The following ABCC6 variants were observed in gnomAD, a reference collection of about 807,000 sequenced individuals.
The protein encoded by ABCC6 is ATP binding cassette subfamily C member 6, also known as ATP-binding cassette sub-family C member 6.
ABCC6 carries 126 observed loss-of-function variants against 169.5 expected under a neutral mutation model. That is an observed-to-expected ratio of 0.74 (90% confidence interval 0.64 to 0.86). The LOEUF (loss-of-function observed/expected upper bound fraction) is 0.86. Ranked by LOEUF, ABCC6 falls within the 40% of genes least tolerant of loss-of-function variation. The probability of loss-of-function intolerance (pLI) is 0.00; values close to 1 mark genes in which losing one functional copy is unlikely to be tolerated. For missense variants in ABCC6, 1,733 were observed against 1,927.2 expected (o/e 0.90, Z 1.89); for synonymous variants, 752 against 814.7 (o/e 0.92, Z 1.31).
At chr16:16,153,985 C>T (rs1046039427) in intron 29 of ABCC6, among the ~76,000 whole-genome samples, 1 of 151,596 alleles carries the variant, frequency 6.6e-6, no homozygotes, top group Non-Finnish European at 1.5e-5. Flanking sequence ...GTTGTTGAGA[C>T]GAAGCCCAGG....
At chr16:16,170,688 C>T (rs534322457) in intron 21 of ABCC6, among the ~76,000 whole-genome samples, 4 of 152,006 alleles carry the variant, frequency 2.6e-5, no homozygotes, top group East Asian at 1.9e-4. Flanking sequence ...GAGGCCAAGG[C>T]GGGTGTGTCA....
intron 22 of ABCC6, among the ~76,000 whole-genome samples, chr16:16,168,454 C>G (rs1456486324): frequency 2.0e-5 from 3 of 152,164 alleles, no homozygotes; most frequent in Non-Finnish European, 4.4e-5. Flanking sequence ...CCACTGCATT[C>G]CAGCCTGGGT....
chr16:16,211,822 C>A (rs1360333831), intron 6 of ABCC6, among the ~76,000 whole-genome samples: 2 of 152,068 alleles, frequency 1.3e-5, no homozygotes, highest in Non-Finnish European at 2.9e-5. Context: ...TGACTGAAAT[C>A]AAGTATTGGA....
At chr16:16,204,015 C>A (rs2048321973) in intron 7 of ABCC6, among the ~76,000 whole-genome samples, 1 of 152,056 alleles carries the variant, frequency 6.6e-6, no homozygotes, top group Non-Finnish European at 1.5e-5. Flanking sequence ...GAATTTGATT[C>A]CAGCTCTCTG....
intron 9 of ABCC6, among the ~76,000 whole-genome samples, chr16:16,201,059 C>T (rs367713545): frequency 2.0e-5 from 3 of 152,164 alleles, no homozygotes; most frequent in Non-Finnish European, 2.9e-5. Flanking sequence ...CTCCACCTCC[C>T]GGGTTCAAGC....
chr16:16,184,855 C>A, intron 15 of ABCC6, 104 bp downstream of exon 15: 2 of 1,299,344 alleles, frequency 1.5e-6, no homozygotes, highest in Non-Finnish European at 1.1e-6. Flanking sequence ...CCCTCCAGTC[C>A]CAGGCTGGAA....
Position 16,188,984 on chromosome 16 carries a change from G to T in ABCC6, c.1636-10C>A, listed in dbSNP as rs61480102. 5.0e-6 allele frequency: 8 copies of T among 1,612,498 alleles called. No homozygotes were observed. The highest frequency in any genetic ancestry group is 5.9e-6 in the Non-Finnish European group (7 of 1,179,296). On this transcript the variant is annotated splice_polypyrimidine_tract_variant and intron_variant, in intron 12 of 30. Coordinates refer to ENST00000205557, the MANE Select transcript of ABCC6 (RefSeq NM_001171.6). ...ACACCACCAGTGCGACCTGGGGGGT[G>T]GGGGGGACACGTGGGGCAACAGTGA...
intron 22 of ABCC6, among the ~76,000 whole-genome samples, chr16:16,167,972 C>CTAA (rs1006615288): frequency 2.6e-5 from 4 of 152,200 alleles, no homozygotes; most frequent in Non-Finnish European, 5.9e-5. Context: ...CTGAGAATCC[C>CTAA]TAATTTCCTC....
At chr16:16,153,310 C>T (rs746024278) in intron 29 of ABCC6, among the ~76,000 whole-genome samples, 7 of 152,250 alleles carry the variant, frequency 4.6e-5, no homozygotes, top group African/African-American at 7.2e-5. Flanking sequence ...GGCAGATAAA[C>T]GGATAAGCAA....
chr16:16,173,364 C>T lies in ABCC6; in HGVS notation c.2707G>A (p.Glu903Lys). The change falls in exon 21 of 31, where the codon GAA becomes AAA. Residue 903 changes from glutamate (E) to lysine (K), a missense_variant. By Grantham distance (56) the Glu-to-Lys change is moderately conservative. Transcript: ENST00000205557. ...TCCAGAGGAACCTCTGTCTGGGCTT[C>T]TGAAGTGGTACGGTCCTTCTCAGGG... ...SVPEKDRTTS[E>K]AQTEVPLDDP... The T allele has an allele frequency of 6.2e-7, 1 of 1,614,068 alleles. No individual in the cohort carries two copies. Among genetic ancestry groups the T allele is most frequent in the South Asian group, 1.1e-5 (1 of 91,078 alleles).
chr16:16,173,465 C>A, intron 20 of ABCC6, 61 bp from the exon 21 acceptor site: 3 of 1,610,880 alleles, frequency 1.9e-6, no homozygotes, highest in Non-Finnish European at 2.5e-6. Flanking sequence ...GGTGTATGTG[C>A]CTAACCCTCA....
At position 16,212,860 on chromosome 16, in the gene ABCC6, T is replaced by C. The variant is rs539279258; in HGVS notation, c.601-614A>G. On this transcript the variant is annotated intron_variant, in intron 5 of 30. Coordinates refer to ENST00000205557, the MANE Select transcript of ABCC6 (RefSeq NM_001171.6). ...AACGAAGAAATTAGATCCTTGACAA[T>C]ATCCCTCGGCAAATGTTGTGAAGAC... Among the ~76,000 whole-genome samples, 5 of 152,082 alleles carry C rather than the reference T, an allele frequency of 3.3e-5. No homozygotes were observed. The South Asian group carries it at 1.0e-3, about 32-fold the overall frequency.
intron 9 of ABCC6, among the ~76,000 whole-genome samples, chr16:16,200,777 G>C (rs1415611039): frequency 2.0e-5 from 3 of 151,590 alleles, no homozygotes; most frequent in Admixed American, 1.3e-4. Flanking sequence ...GACCTGCCCT[G>C]GCTCAGATGC....
chr16:16,178,036 A>C (rs1158745835), intron 18 of ABCC6, among the ~76,000 whole-genome samples: 4 of 151,478 alleles, frequency 2.6e-5, no homozygotes, highest in African/African-American at 9.7e-5. Flanking sequence ...AAGAAAAAAA[A>C]AATGTACGGC....
chr16:16,202,692 C>T (rs940173198), intron 8 of ABCC6, among the ~76,000 whole-genome samples: 5 of 152,086 alleles, frequency 3.3e-5, no homozygotes, highest in African/African-American at 1.2e-4. Flanking sequence ...ACAGAGGCCT[C>T]AGATGGAACC....
intron 4 of ABCC6, among the ~76,000 whole-genome samples, chr16:16,216,497 A>G (rs2048880002): frequency 6.6e-6 from 1 of 151,424 alleles, no homozygotes; most frequent in South Asian, 2.1e-4. Context: ...ATGTTGTTGA[A>G]AATGACAGTA....
intron 6 of ABCC6, among the ~76,000 whole-genome samples, chr16:16,210,139 T>G (rs1206187481): frequency 1.3e-5 from 2 of 151,932 alleles, no homozygotes; most frequent in Non-Finnish European, 2.9e-5. Context: ...TTTATTTTTA[T>G]TCTTTTTATT....
intron 29 of ABCC6, among the ~76,000 whole-genome samples, chr16:16,153,815 G>A (rs2046458064): frequency 6.6e-6 from 1 of 150,936 alleles, no homozygotes; most frequent in South Asian, 2.1e-4. Context: ...GAGGTGGGAG[G>A]AATGCTTGAG....
chr16:16,178,003 GGAAA>G (rs1473329511), intron 18 of ABCC6, among the ~76,000 whole-genome samples: 1 of 147,542 alleles, frequency 6.8e-6, no homozygotes, highest in Non-Finnish European at 1.5e-5. Context: ...AAGGAAGGAA[GGAAA>G]GAGAGAGAGA....
Sources: gnomAD v4.1 joint callset for allele counts (sites outside exome capture counted in the v4.1 genomes callset) on GRCh38, gnomAD v4.1.1 for gene constraint, MANE v1.5 for transcripts, NCBI Gene and HGNC (gene_info 2026-07-23, HGNC 2026-07-21) for gene names.